The following PDE7A variants were observed in gnomAD, a reference collection of about 807,000 sequenced individuals.
The protein encoded by PDE7A is high affinity 3',5'-cyclic-AMP phosphodiesterase 7A.
PDE7A carries 39 observed loss-of-function variants against 64.3 expected under a neutral mutation model. The observed-to-expected ratio is 0.61, with a 90% CI of 0.47 to 0.79. PDE7A has a LOEUF of 0.79. PDE7A is among the 30% of genes least tolerant of loss of function. PDE7A has a pLI of 0.00. For missense variants in PDE7A, 470 were observed against 582.8 expected (o/e 0.81, Z 1.99); for synonymous variants, 203 against 206.8 (o/e 0.98, Z 0.16).
intron 1 of PDE7A, among the ~76,000 whole-genome samples, chr8:65,833,833 G>A (rs1810889079): frequency 6.6e-6 from 1 of 152,006 alleles, no homozygotes; most frequent in Admixed American, 6.6e-5. Context: ...GCATGGTGGG[G>A]CATGCCTGTA....
At chr8:65,760,324 T>C (rs561790183) in intron 3 of PDE7A, among the ~76,000 whole-genome samples, 5 of 152,374 alleles carry the variant, frequency 3.3e-5, no homozygotes, top group African/African-American at 9.6e-5. Flanking sequence ...ATTAGTCTAA[T>C]GTATGAAATT....
chr8:65,755,904 T>C (rs1275291972), intron 3 of PDE7A, among the ~76,000 whole-genome samples: 1 of 152,236 alleles, frequency 6.6e-6, no homozygotes, highest in Non-Finnish European at 1.5e-5. Context: ...ATTACAGGCA[T>C]GTGCCACTGT....
chr8:65,800,104 G>A (rs1192381020), intron 1 of PDE7A, among the ~76,000 whole-genome samples: 1 of 152,144 alleles, frequency 6.6e-6, no homozygotes, highest in East Asian at 1.9e-4. Context: ...TTTCCTTATA[G>A]AAACTAAAAA....
At chr8:65,741,249 T>C (rs1024868374) in intron 5 of PDE7A, among the ~76,000 whole-genome samples, 51 of 152,158 alleles carry the variant, frequency 3.4e-4, no homozygotes, top group African/African-American at 1.1e-3. Flanking sequence ...CATAGACTCA[T>C]AAATTACTGC....
chr8:65,826,196 T>A (rs994263763), intron 1 of PDE7A, among the ~76,000 whole-genome samples: 1 of 152,186 alleles, frequency 6.6e-6, no homozygotes, highest in Admixed American at 6.5e-5. Flanking sequence ...GAAAAGGAGT[T>A]TGAATTGTGT....
At chr8:65,821,952 T>C (rs1338802485) in intron 1 of PDE7A, among the ~76,000 whole-genome samples, 1 of 152,230 alleles carries the variant, frequency 6.6e-6, no homozygotes, top group Non-Finnish European at 1.5e-5. Flanking sequence ...AATGGTGTCA[T>C]AACTGAACAA....
At chr8:65,735,878 G>A (rs926270999) in intron 6 of PDE7A, among the ~76,000 whole-genome samples, 1 of 152,028 alleles carries the variant, frequency 6.6e-6, no homozygotes, top group Non-Finnish European at 1.5e-5. Context: ...ACCCACCTCG[G>A]CCTCCCAAAA....
At chr8:65,802,128 T>TAAAA (rs1253854966) in intron 1 of PDE7A, among the ~76,000 whole-genome samples, 1 of 152,234 alleles carries the variant, frequency 6.6e-6, no homozygotes, top group Non-Finnish European at 1.5e-5. Context: ...GAAAATACTT[T>TAAAA]GTTCACAAAC....
chr8:65,746,222 C>A (rs1273122782), intron 4 of PDE7A, among the ~76,000 whole-genome samples: 4 of 151,960 alleles, frequency 2.6e-5, no homozygotes, highest in Admixed American at 1.3e-4. Flanking sequence ...GCATGAGCCA[C>A]TGCACCCAGC....
intron 3 of PDE7A, among the ~76,000 whole-genome samples, chr8:65,753,919 G>A (rs1198897787): frequency 6.6e-6 from 1 of 151,584 alleles, no homozygotes; most frequent in Non-Finnish European, 1.5e-5. Context: ...TATACTGTCT[G>A]CCAATAATAA....
chr8:65,813,478 T>A (rs1810304331), intron 1 of PDE7A, among the ~76,000 whole-genome samples: 1 of 152,170 alleles, frequency 6.6e-6, no homozygotes, highest in Non-Finnish European at 1.5e-5. Context: ...ATTTAGTGAA[T>A]CTTCTTAGAC....
chr8:65,766,226 G>A (rs1344094194), intron 3 of PDE7A, among the ~76,000 whole-genome samples: 1 of 152,160 alleles, frequency 6.6e-6, no homozygotes. Flanking sequence ...GATTACAGGC[G>A]TGAGCCACCA....
At chr8:65,802,030 C>T (rs79204777) in intron 1 of PDE7A, among the ~76,000 whole-genome samples, 7,373 of 152,080 alleles carry the variant, frequency 0.048, 495 homozygotes, top group African/African-American at 0.15. Context: ...ACTTCTTGTT[C>T]GAAAGAAATT....
intron 7 of PDE7A, among the ~76,000 whole-genome samples, chr8:65,733,468 A>G (rs909097308): frequency 2.0e-5 from 3 of 152,164 alleles, no homozygotes; most frequent in Non-Finnish European, 4.4e-5. Flanking sequence ...TTTAATTTAA[A>G]AATTGGGGTG....
At chr8:65,720,497 T>C (rs957939343) in intron 12 of PDE7A, 2 of 154,200 alleles carry the variant, frequency 1.3e-5, no homozygotes, top group Non-Finnish European at 2.9e-5. Context: ...GCAACCAGCA[T>C]CCACTACTTT....
At chr8:65,834,341 C>T (rs78134280) in intron 1 of PDE7A, among the ~76,000 whole-genome samples, 197 of 152,264 alleles carry the variant, frequency 1.3e-3, no homozygotes, top group Non-Finnish European at 2.5e-3. Context: ...GAATATAATA[C>T]ATACACAAAA....
chr8:65,785,064 C>T (rs959293912), intron 1 of PDE7A, among the ~76,000 whole-genome samples: 1 of 151,752 alleles, frequency 6.6e-6, no homozygotes, highest in African/African-American at 2.4e-5. Context: ...AAAGAACTAC[C>T]CAAAACATTA....
intron 1 of PDE7A, among the ~76,000 whole-genome samples, chr8:65,796,330 A>G (rs1177440818): frequency 1.3e-5 from 2 of 152,096 alleles, no homozygotes; most frequent in African/African-American, 4.8e-5. Context: ...AAAAAAACAC[A>G]AAGAAAACTA....
Position 65,727,219 on chromosome 8 carries a change from T to C in PDE7A, c.779A>G (p.Asn260Ser). 6.2e-7 allele frequency: 1 copy of C among 1,613,724 alleles called. No individual in the cohort carries two copies. The highest frequency in any genetic ancestry group is 8.5e-7 in the Non-Finnish European group (1 of 1,179,660). Residue 260 changes from asparagine to serine, a missense_variant, in exon 8 of 13, where the codon AAT becomes AGT. Coordinates refer to ENST00000401827, the MANE Select transcript of PDE7A (RefSeq NM_001242318.3). The part of the protein sequence containing the change: ...ATHDLDHPGV[N>S]QPFLIKTNHY... Reference sequence around the variant, plus strand: ...GTTAGTTTTAATAAGGAAAGGTTGATTAACACCTGGATGATCCAGATCATG... The same window carrying C: ...GTTAGTTTTAATAAGGAAAGGTTGACTAACACCTGGATGATCCAGATCATG...
Sources: gnomAD v4.1 joint callset for allele counts (sites outside exome capture counted in the v4.1 genomes callset) on GRCh38, gnomAD v4.1.1 for gene constraint, MANE v1.5 for transcripts, NCBI Gene and HGNC (gene_info 2026-07-23, HGNC 2026-07-21) for gene names.